Variants in SEMA5A observed in about 807,000 individuals in gnomAD.
SEMA5A encodes the protein semaphorin 5A, also known as semaphorin-5A.
SEMA5A carries 55 observed loss-of-function variants against 135.5 expected under a neutral mutation model. The observed-to-expected ratio is 0.41, with a 90% CI of 0.33 to 0.51. The LOEUF is 0.51. Ranked by LOEUF, SEMA5A falls within the 20% of genes least tolerant of loss-of-function variation. SEMA5A has a pLI of 0.37. For synonymous variants in SEMA5A, 580 were observed against 546.5 expected, an observed-to-expected ratio of 1.06 and a Z score of -0.85; for missense variants, 1,290 against 1,419.9, an observed-to-expected ratio of 0.91 and a Z score of 1.47.
rs1417721017 is a variant in SEMA5A at position 9,040,456 on chromosome 5, A to G, written c.*2441T>C. On this transcript the variant is annotated 3_prime_UTR_variant, in exon 23 of 23. Coordinates refer to ENST00000382496, the MANE Select transcript of SEMA5A (RefSeq NM_003966.3). ...GCCAGAACATGTGAACGGTAGCTAC[A>G]CAGTGATGGACAAACACAACTTATT... 6.6e-6 allele frequency: 1 copy of G among 152,266 alleles called. No homozygotes were observed. The highest frequency in any genetic ancestry group is 6.5e-5 in the Admixed American group (1 of 15,294). 9.4% of individuals were successfully genotyped at this position (152,266 alleles called of 1,614,324 possible).
intron 1 of SEMA5A, among the ~76,000 whole-genome samples, chr5:9,486,416 A>G (rs1389262344): frequency 1.3e-5 from 2 of 152,242 alleles, no homozygotes; most frequent in Non-Finnish European, 2.9e-5. Context: ...CGTTCTGCAC[A>G]TGCATCCTGG....
chr5:9,420,671 C>A (rs987076424), intron 2 of SEMA5A, among the ~76,000 whole-genome samples: 1 of 152,130 alleles, frequency 6.6e-6, no homozygotes, highest in Admixed American at 6.5e-5. Context: ...GGCTCTCTGA[C>A]AGTCTTACTT....
At chr5:9,127,673 G>A (rs1054575849) in intron 13 of SEMA5A, among the ~76,000 whole-genome samples, 11 of 152,082 alleles carry the variant, frequency 7.2e-5, no homozygotes, top group African/African-American at 1.9e-4. Context: ...TTTTTTTGAA[G>A]GTTTATAAAT....
At chr5:9,333,235 C>T (rs1162107140) in intron 4 of SEMA5A, among the ~76,000 whole-genome samples, 4 of 152,206 alleles carry the variant, frequency 2.6e-5, no homozygotes, top group Admixed American at 1.3e-4. Flanking sequence ...GACTCCACAT[C>T]TTCCCCACAG....
At chr5:9,518,696 T>A (rs1220118178) in intron 1 of SEMA5A, among the ~76,000 whole-genome samples, 3 of 152,218 alleles carry the variant, frequency 2.0e-5, no homozygotes, top group Non-Finnish European at 4.4e-5. Flanking sequence ...CACTTTCAGA[T>A]CAGATGTTAC....
chr5:9,394,983 GT>G (rs1756325763), intron 2 of SEMA5A, among the ~76,000 whole-genome samples: 1 of 152,088 alleles, frequency 6.6e-6, no homozygotes, highest in African/African-American at 2.4e-5. Context: ...TTTAATGTTT[GT>G]AAGTGCCAAG....
intron 3 of SEMA5A, chr5:9,367,345 T>C (rs149711279): frequency 2.6e-5 from 4 of 152,204 alleles, no homozygotes; most frequent in African/African-American, 4.8e-5. Flanking sequence ...TTTCTAATTG[T>C]AGGAACAGGA....
chr5:9,411,137 CA>C (rs1274862782), intron 2 of SEMA5A, among the ~76,000 whole-genome samples: 1 of 151,962 alleles, frequency 6.6e-6, no homozygotes, highest in Non-Finnish European at 1.5e-5. Flanking sequence ...CTACCCCAGG[CA>C]AAAGAAACAG....
At chr5:9,486,629 G>A (rs1393451717) in intron 1 of SEMA5A, among the ~76,000 whole-genome samples, 2 of 151,916 alleles carry the variant, frequency 1.3e-5, no homozygotes, top group African/African-American at 4.8e-5. Context: ...GATCATCGAT[G>A]GGAGGAAATA....
rs1372950414 is a variant in SEMA5A, at chr5:9,202,233, G to T, written c.654C>A (p.Asn218Lys). Reference protein sequence around the residue: ...QYNSKWLNEPNFVSSYDIGNF... With the variant: ...QYNSKWLNEPKFVSSYDIGNF... ...TTCCGATGTCATAAGATGACACAAA[G>T]TTTGGCTCTGGAAACAATAGAAAAG... The change falls in exon 9 of 23, where the codon AAC becomes AAA. Residue 218 changes from asparagine to lysine, a missense_variant. By Grantham distance (94) the Asn-to-Lys change is moderately conservative. Transcript: ENST00000382496. 5 of 1,612,348 alleles carry T rather than the reference G, an allele frequency of 3.1e-6. No homozygotes were observed. In the East Asian group the frequency reaches 8.9e-5, roughly 29 times the overall value.
At chr5:9,162,067 A>T (rs1743286120) in intron 11 of SEMA5A, among the ~76,000 whole-genome samples, 1 of 152,238 alleles carries the variant, frequency 6.6e-6, no homozygotes, top group Non-Finnish European at 1.5e-5. Context: ...TGATGGACAG[A>T]AAGCAATCAC....
At chr5:9,123,713 T>C (rs534520121) in intron 13 of SEMA5A, among the ~76,000 whole-genome samples, 3 of 152,308 alleles carry the variant, frequency 2.0e-5, no homozygotes, top group African/African-American at 7.2e-5. Flanking sequence ...ACTGAAAGCA[T>C]TCAATTCAGA....
intron 11 of SEMA5A, among the ~76,000 whole-genome samples, chr5:9,178,110 G>A (rs1008082950): frequency 2.0e-5 from 3 of 152,022 alleles, no homozygotes; most frequent in African/African-American, 7.2e-5. Flanking sequence ...GCTTCTTATG[G>A]AGAAAATAAT....
chr5:9,219,234 G>C (rs373531330), intron 8 of SEMA5A, among the ~76,000 whole-genome samples: 1 of 152,212 alleles, frequency 6.6e-6, no homozygotes, highest in African/African-American at 2.4e-5. Flanking sequence ...AGGAAGGCTT[G>C]AACAAGCACA....
At chr5:9,519,070 A>C (rs1221912572) in intron 1 of SEMA5A, among the ~76,000 whole-genome samples, 3 of 152,164 alleles carry the variant, frequency 2.0e-5, no homozygotes, top group Non-Finnish European at 4.4e-5. Flanking sequence ...TATTTATGTG[A>C]GTTTTTGTCT....
chr5:9,197,785 T>TGTGTGTGTATGTG (rs1561011433), intron 9 of SEMA5A, among the ~76,000 whole-genome samples: 5 of 117,858 alleles, frequency 4.2e-5, no homozygotes, highest in Non-Finnish European at 6.4e-5. Context: ...TGTGTGTGTG[T>TGTGTGTGTATGTG]TTTAACCCAG....
intron 2 of SEMA5A, among the ~76,000 whole-genome samples, chr5:9,406,556 A>AT (rs1390469866): frequency 1.4e-4 from 21 of 152,362 alleles, no homozygotes; most frequent in Admixed American, 1.4e-3. Context: ...TGCATCAAAT[A>AT]TAAAATTTAA....
chr5:9,472,418 T>C (rs1759508857), intron 1 of SEMA5A, among the ~76,000 whole-genome samples: 1 of 152,220 alleles, frequency 6.6e-6, no homozygotes, highest in African/African-American at 2.4e-5. Context: ...GAGAATAAGG[T>C]TTGAAATGAA....
At chr5:9,493,499 C>A (rs1215469943) in intron 1 of SEMA5A, among the ~76,000 whole-genome samples, 1 of 151,958 alleles carries the variant, frequency 6.6e-6, no homozygotes, top group Non-Finnish European at 1.5e-5. Context: ...TTATTTATTT[C>A]TATGGGGAGA....
Sources: allele counts gnomAD v4.1 joint callset (sites outside exome capture counted in the v4.1 genomes callset), GRCh38; gene constraint gnomAD v4.1.1; transcripts MANE v1.5; gene names NCBI Gene and HGNC (gene_info 2026-07-23, HGNC 2026-07-21).